Variants in PCDHGB4 observed in about 807,000 individuals in gnomAD.
The protein encoded by PCDHGB4 is protocadherin gamma-B4.
PCDHGB4 carries 38 observed loss-of-function variants against 60.5 expected under a neutral mutation model. The observed-to-expected ratio is 0.63, with a 90% confidence interval of 0.48 to 0.82. The LOEUF is 0.82. PCDHGB4 is among the 40% of genes least tolerant of loss of function. The probability of loss-of-function intolerance (pLI) is 0.00; values close to 1 mark genes in which losing one functional copy is unlikely to be tolerated. For missense variants in PCDHGB4, 1,109 were observed against 1,209.6 expected (o/e 0.92, Z 1.23); for synonymous variants, 456 against 509.7 (o/e 0.89, Z 1.42).
chr5:141,426,719 A>G (rs776136674), intron 1 of PCDHGB4: 2 of 446,424 alleles, frequency 4.5e-6, no homozygotes, highest in Non-Finnish European at 9.1e-6. Context: ...ATGAACTAGC[A>G]ATTCCAGGCA....
At chr5:141,399,916 A>G in intron 1 of PCDHGB4, 3 of 1,612,378 alleles carry the variant, frequency 1.9e-6, no homozygotes, top group Non-Finnish European at 1.7e-6. Context: ...CTCAGGACAC[A>G]ACGCCTGGCT....
chr5:141,455,159 G>GTT (rs1390145608), intron 1 of PCDHGB4, among the ~76,000 whole-genome samples: 4 of 144,860 alleles, frequency 2.8e-5, no homozygotes, highest in African/African-American at 7.8e-5. Context: ...TTAGTTTGTT[G>GTT]GTTTTTTTTT....
chr5:141,464,273 A>G (rs1330533734), intron 1 of PCDHGB4, among the ~76,000 whole-genome samples: 1 of 136,736 alleles, frequency 7.3e-6, no homozygotes, highest in African/African-American at 3.0e-5. Context: ...TAAAAAAAAA[A>G]AAAAGCAAAA....
At chr5:141,484,009 TG>T (rs2099590446) in intron 1 of PCDHGB4, among the ~76,000 whole-genome samples, 1 of 14,098 alleles carries the variant, frequency 7.1e-5, no homozygotes, top group Admixed American at 8.3e-4. Context: ...TGGATGAGGG[TG>T]GGGGTGGGGT....
rs1370450155 is a variant in PCDHGB4, at chr5:141,431,480, G to T, written c.2397+41199G>T. On this transcript the variant is annotated intron_variant, in intron 1 of 3. Coordinates refer to ENST00000519479, the MANE Select transcript of PCDHGB4 (RefSeq NM_003736.4). This position sits in a 1 kb window ranked among gnomAD's most constrained non-coding sequence, Gnocchi z 4.8. Reference sequence around the variant, plus strand: ...TCTGGATGCGAACGACAACGCACCAGCGTTTGCTCAGCCCGAGTACCGCGC... The same window carrying T: ...TCTGGATGCGAACGACAACGCACCATCGTTTGCTCAGCCCGAGTACCGCGC... 3 of 1,613,924 alleles carry T rather than the reference G, an allele frequency of 1.9e-6. No individual in the cohort carries two copies. Among genetic ancestry groups the T allele is most frequent in the Non-Finnish European group, 2.5e-6 (3 of 1,179,990 alleles).
chr5:141,494,897 C>T (rs1194879883), intron 2 of PCDHGB4, 32 bp downstream of exon 2: 2 of 1,614,122 alleles, frequency 1.2e-6, no homozygotes, highest in South Asian at 2.2e-5. Flanking sequence ...CCACCCTCTT[C>T]TCTGCGGCAT....
intron 1 of PCDHGB4, chr5:141,404,265 T>A: frequency 6.2e-7 from 1 of 1,613,998 alleles, no homozygotes; most frequent in Non-Finnish European, 8.5e-7. Context: ...GAAATTCACA[T>A]CACCCTGCAA....
chr5:141,396,042 A>G (rs2093337325), intron 1 of PCDHGB4: 2 of 152,260 alleles, frequency 1.3e-5, no homozygotes, highest in Non-Finnish European at 2.9e-5. Context: ...ACATATTTCA[A>G]TACAATTCCA....
intron 1 of PCDHGB4, chr5:141,400,677 ATTGTGAGTT>A (rs1177028391): frequency 1.1e-6 from 1 of 900,130 alleles, no homozygotes; most frequent in African/African-American, 1.7e-5. Flanking sequence ...GGAGCAGTAA[ATTGTGAGTT>A]TTTATGTCGC....
At chr5:141,456,119 C>G (rs902179639) in intron 1 of PCDHGB4, among the ~76,000 whole-genome samples, 3 of 151,826 alleles carry the variant, frequency 2.0e-5, no homozygotes, top group Non-Finnish European at 4.4e-5. Flanking sequence ...GGATGGTCTC[C>G]ATCTCCTGAC....
chr5:141,475,980 C>G (rs758066578), intron 1 of PCDHGB4: 3 of 1,028,500 alleles, frequency 2.9e-6, no homozygotes, highest in Admixed American at 2.4e-5. Context: ...ACTGAACAGC[C>G]GGCGAGCAAA....
chr5:141,477,804 A>G lies in PCDHGB4; in HGVS notation c.2398-17003A>G. The G allele has an allele frequency of 6.2e-7, 1 of 1,614,088 alleles. No individual in the cohort carries two copies. ...ATATTTGTCACTGATCGCAATGACA[A>G]TGCCCCCCAGGTCCTATATCCTCGG... On this transcript the variant is annotated intron_variant, in intron 1 of 3. Transcript: ENST00000519479. The surrounding 1 kb of genome is among the most constrained non-coding windows in gnomAD (Gnocchi z 4.9).
intron 1 of PCDHGB4, among the ~76,000 whole-genome samples, chr5:141,433,513 C>T (rs2097615953): frequency 6.6e-6 from 1 of 152,066 alleles, no homozygotes; most frequent in Non-Finnish European, 1.5e-5. Flanking sequence ...GGATTACAGG[C>T]GTGAACCACA....
intron 1 of PCDHGB4, chr5:141,408,156 T>C: frequency 6.6e-7 from 1 of 1,512,436 alleles, no homozygotes; most frequent in Non-Finnish European, 8.9e-7. Context: ...TAGAGTGCAC[T>C]TTCTCCAACT....
At chr5:141,423,008 C>A in intron 1 of PCDHGB4, 13 of 1,614,214 alleles carry the variant, frequency 8.1e-6, no homozygotes, top group Non-Finnish European at 1.1e-5. Flanking sequence ...AAGGTGGTTG[C>A]GGTGGACAAA....
chr5:141,483,257 T>G, intron 1 of PCDHGB4, among the ~76,000 whole-genome samples: 1 of 137,924 alleles, frequency 7.3e-6, no homozygotes, highest in East Asian at 1.9e-4. Flanking sequence ...ATCATGAGGT[T>G]TTTTTGTTTT....
intron 1 of PCDHGB4, among the ~76,000 whole-genome samples, chr5:141,481,913 CAAAAA>C (rs34114744): frequency 1.1e-5 from 1 of 90,852 alleles, no homozygotes; most frequent in Non-Finnish European, 2.2e-5. Flanking sequence ...AACTCCATCT[CAAAAA>C]AAAAAAAAAA....
intron 1 of PCDHGB4, chr5:141,405,066 T>G: frequency 1.2e-6 from 2 of 1,613,866 alleles, no homozygotes; most frequent in South Asian, 2.2e-5. Context: ...TGTGTCTTCC[T>G]CACCTTCGTT....
chr5:141,395,115 C>T (rs1380601635), intron 1 of PCDHGB4: 1 of 1,614,192 alleles, frequency 6.2e-7, no homozygotes. Context: ...GAAGAGTCAC[C>T]TGATCTTTCC....
Sources: allele counts gnomAD v4.1 joint callset (sites outside exome capture counted in the v4.1 genomes callset), GRCh38; gene constraint gnomAD v4.1.1; non-coding constraint Gnocchi (gnomAD v3.1); transcripts MANE v1.5; gene names NCBI Gene and HGNC (gene_info 2026-07-23, HGNC 2026-07-21).